The following RGS7 variants were observed in gnomAD, a reference collection of about 807,000 sequenced individuals.
The protein encoded by RGS7 is regulator of G protein signaling 7.
RGS7 carries 27 observed loss-of-function variants against 81.1 expected under a neutral mutation model. The observed-to-expected ratio is 0.33, with a 90% CI of 0.25 to 0.46. The LOEUF (loss-of-function observed/expected upper bound fraction) is 0.46, where lower values mean the gene tolerates loss of function less well. RGS7 is among the 20% of genes least tolerant of loss of function. The probability of loss-of-function intolerance (pLI) is 1.00; values close to 1 mark genes in which losing one functional copy is unlikely to be tolerated. For missense variants in RGS7, 396 were observed against 607.4 expected (o/e 0.65, Z 3.66); for synonymous variants, 208 against 207.7 (o/e 1.00, Z -0.01).
intron 6 of RGS7, among the ~76,000 whole-genome samples, chr1:240,882,629 A>G (rs550438116): frequency 6.6e-6 from 1 of 152,268 alleles, no homozygotes; most frequent in East Asian, 1.9e-4. Flanking sequence ...GAAGGAGACA[A>G]TTCCACTCTG....
intron 2 of RGS7, among the ~76,000 whole-genome samples, chr1:241,201,546 T>C (rs1282522648): frequency 6.6e-6 from 1 of 152,190 alleles, no homozygotes; most frequent in Non-Finnish European, 1.5e-5. Context: ...CAAAGTGATA[T>C]GTATCCTTAA....
At chr1:241,019,592 T>C (rs577997899) in intron 3 of RGS7, among the ~76,000 whole-genome samples, 1 of 152,190 alleles carries the variant, frequency 6.6e-6, no homozygotes, top group Non-Finnish European at 1.5e-5. Context: ...CACTTATGAG[T>C]GAAAACATGC....
intron 2 of RGS7, among the ~76,000 whole-genome samples, chr1:241,110,106 T>A (rs1019194896): frequency 2.0e-5 from 3 of 152,236 alleles, no homozygotes; most frequent in Non-Finnish European, 4.4e-5. Flanking sequence ...TCTGTAAACA[T>A]TCTGTATAAT....
intron 6 of RGS7, among the ~76,000 whole-genome samples, chr1:240,908,052 C>T (rs892775279): frequency 1.4e-4 from 21 of 151,972 alleles, no homozygotes; most frequent in Non-Finnish European, 2.4e-4. Flanking sequence ...ACCATAGCCA[C>T]CATGGTTAAC....
chr1:240,861,384 T>G (rs1662165898), intron 9 of RGS7, among the ~76,000 whole-genome samples: 4 of 152,148 alleles, frequency 2.6e-5, no homozygotes, highest in Admixed American at 2.6e-4. Flanking sequence ...AAGAAGGTGA[T>G]CTAATTCTTA....
At chr1:241,269,302 C>T (rs1027926804) in intron 2 of RGS7, among the ~76,000 whole-genome samples, 2 of 152,218 alleles carry the variant, frequency 1.3e-5, no homozygotes, top group African/African-American at 2.4e-5. Flanking sequence ...TTTGTGGAAA[C>T]GTGGGTAGAC....
chr1:241,148,873 T>A (rs1380114881), intron 2 of RGS7, among the ~76,000 whole-genome samples: 1 of 152,262 alleles, frequency 6.6e-6, no homozygotes, highest in Non-Finnish European at 1.5e-5. Flanking sequence ...AAAACCAGTA[T>A]CATTTAAAAG....
chr1:241,252,862 A>G (rs1474419608), intron 2 of RGS7, among the ~76,000 whole-genome samples: 1 of 152,190 alleles, frequency 6.6e-6, no homozygotes, highest in African/African-American at 2.4e-5. Context: ...CTAGTCATCC[A>G]TATCTCCCCA....
intron 3 of RGS7, among the ~76,000 whole-genome samples, chr1:240,986,473 G>C (rs951006865): frequency 6.6e-6 from 1 of 151,850 alleles, no homozygotes; most frequent in African/African-American, 2.4e-5. Flanking sequence ...TAAATAGCAA[G>C]ACTCCCCTCC....
intron 2 of RGS7, among the ~76,000 whole-genome samples, chr1:241,266,162 T>C (rs1012991812): frequency 1.3e-5 from 2 of 152,120 alleles, no homozygotes; most frequent in African/African-American, 4.8e-5. Flanking sequence ...GTCCAGGAAG[T>C]TTTAGAAGAG....
intron 2 of RGS7, among the ~76,000 whole-genome samples, chr1:241,252,916 G>T (rs944027686): frequency 1.3e-5 from 2 of 152,142 alleles, no homozygotes; most frequent in Non-Finnish European, 2.9e-5. Context: ...TCTAAGATTT[G>T]CTGTCTTGCT....
At chr1:240,857,064 T>C (rs973494040) in intron 9 of RGS7, among the ~76,000 whole-genome samples, 2 of 152,154 alleles carry the variant, frequency 1.3e-5, no homozygotes, top group African/African-American at 2.4e-5. Context: ...TAGGTGGACC[T>C]GATGTTAGGC....
At chr1:241,172,292 T>C (rs2070789389) in intron 2 of RGS7, among the ~76,000 whole-genome samples, 1 of 152,190 alleles carries the variant, frequency 6.6e-6, no homozygotes, top group African/African-American at 2.4e-5. Context: ...TCACTGATTA[T>C]GCTTTTGGAT....
chr1:240,964,069 G>C (rs1681898896), intron 4 of RGS7, among the ~76,000 whole-genome samples: 1 of 152,156 alleles, frequency 6.6e-6, no homozygotes. Context: ...AGAGAGGATG[G>C]GGTAAGAAGC....
At chr1:241,217,369 G>C (rs913445838) in intron 2 of RGS7, among the ~76,000 whole-genome samples, 5 of 152,098 alleles carry the variant, frequency 3.3e-5, no homozygotes, top group African/African-American at 1.2e-4. Flanking sequence ...CCCAACCTGT[G>C]GTTTTTGCTG....
chr1:241,048,045 A>C (rs1192424564), intron 3 of RGS7, among the ~76,000 whole-genome samples: 1 of 151,898 alleles, frequency 6.6e-6, no homozygotes, highest in African/African-American at 2.4e-5. Flanking sequence ...TGGCCTGTTT[A>C]CAATTCTTAA....
chr1:241,257,930 G>A (rs1056470141), intron 2 of RGS7, among the ~76,000 whole-genome samples: 4 of 152,026 alleles, frequency 2.6e-5, no homozygotes, highest in African/African-American at 9.7e-5. Context: ...ACACAATGCA[G>A]GTAGAATGAT....
intron 9 of RGS7, among the ~76,000 whole-genome samples, chr1:240,829,823 A>G (rs1405991611): frequency 4.6e-5 from 7 of 151,870 alleles, no homozygotes. Flanking sequence ...TCTTTTTTTT[A>G]AAGAGCCAAG....
At chr1:240,865,320 G>GT in intron 9 of RGS7, among the ~76,000 whole-genome samples, 1 of 152,244 alleles carries the variant, frequency 6.6e-6, no homozygotes, top group African/African-American at 2.4e-5. Context: ...GTACACAATA[G>GT]GACAGTCTCT....
Sources: allele counts gnomAD v4.1 joint callset (sites outside exome capture counted in the v4.1 genomes callset), GRCh38; gene constraint gnomAD v4.1.1; transcripts MANE v1.5; gene names NCBI Gene and HGNC (gene_info 2026-07-23, HGNC 2026-07-21).